Variants in SOX5 observed in about 807,000 individuals in gnomAD.
SOX5 encodes SRY-box transcription factor 5, also known as transcription factor SOX-5.
In SOX5, 9 loss-of-function variants were observed where a neutral mutation model predicts 92.0. The observed-to-expected ratio is 0.10, with a 90% CI of 0.06 to 0.17. The LOEUF (loss-of-function observed/expected upper bound fraction) is 0.17, where lower values mean the gene tolerates loss of function less well. Ranked by LOEUF, SOX5 falls within the 10% of genes least tolerant of loss-of-function variation. The pLI, the probability that SOX5 is intolerant of heterozygous loss-of-function variation, is 1.00. For missense variants in SOX5, 642 were observed against 944.5 expected, an observed-to-expected ratio of 0.68 and a Z score of 4.20; for synonymous variants, 344 against 336.3, an observed-to-expected ratio of 1.02 and a Z score of -0.25.
chr12:24,380,452 T>C (rs1957711762), intron 1 of SOX5, among the ~76,000 whole-genome samples: 1 of 152,252 alleles, frequency 6.6e-6, no homozygotes, highest in South Asian at 2.1e-4. Context: ...TTGCGCAACA[T>C]ATAATTTCAT....
chr12:24,015,602 C>T (rs984432386), intron 4 of SOX5, among the ~76,000 whole-genome samples: 3 of 152,152 alleles, frequency 2.0e-5, no homozygotes, highest in Non-Finnish European at 2.9e-5. Flanking sequence ...TGCGCTAATA[C>T]ACTGTATATA....
At chr12:23,577,275 A>C (rs1949319072) in intron 9 of SOX5, among the ~76,000 whole-genome samples, 1 of 138,890 alleles carries the variant, frequency 7.2e-6, no homozygotes, top group South Asian at 2.3e-4. Flanking sequence ...GCTCATCGTG[A>C]TCTCCGCCTG....
At chr12:24,027,924 C>G (rs1034353244) in intron 4 of SOX5, among the ~76,000 whole-genome samples, 1 of 151,974 alleles carries the variant, frequency 6.6e-6, no homozygotes, top group African/African-American at 2.4e-5. Context: ...ACATCTTTAA[C>G]AAGTTAGCAG....
intron 3 of SOX5, among the ~76,000 whole-genome samples, chr12:23,843,281 A>G (rs2096538762): frequency 6.6e-6 from 1 of 152,130 alleles, no homozygotes; most frequent in South Asian, 2.1e-4. Flanking sequence ...CAGAAAAAGC[A>G]CACTTGGTGA....
At chr12:24,208,978 T>C (rs1309527342) in intron 4 of SOX5, among the ~76,000 whole-genome samples, 1 of 151,928 alleles carries the variant, frequency 6.6e-6, no homozygotes, top group African/African-American at 2.4e-5. Context: ...GTGTAGAGGA[T>C]TGAGGAGGAG....
chr12:24,512,840 T>C lies in SOX5; in HGVS notation c.-251+49489A>G, dbSNP rs1458137133. Among the ~76,000 whole-genome samples the C allele has an allele frequency of 4.6e-5, 7 of 152,350 alleles. No homozygotes were observed. The South Asian group carries it at 1.2e-3, about 27-fold the overall frequency. ...CCTGTCAACCAGGGACTATAATCCA[T>C]CCAGTCTTTTGTGTTAACTTGATAG... is the stretch of plus-strand genomic sequence containing the variant. On this transcript the variant is annotated intron_variant, in intron 1 of 4. Transcript: ENST00000446891.
At chr12:23,951,273 TA>T (rs144627221), upstream of SOX5, among the ~76,000 whole-genome samples, 7 of 149,240 alleles carry the variant, frequency 4.7e-5, no homozygotes, top group Admixed American at 6.7e-5. Context: ...TGAACTCACT[TA>T]AAAAAAAAAT....
intron 1 of SOX5, among the ~76,000 whole-genome samples, chr12:23,914,583 T>TAAC (rs958223853): frequency 3.3e-5 from 5 of 152,074 alleles, no homozygotes; most frequent in Non-Finnish European, 5.9e-5. Flanking sequence ...ATACCAATAA[T>TAAC]AACAACAAAA....
intron 4 of SOX5, among the ~76,000 whole-genome samples, chr12:24,075,093 C>A (rs1358635169): frequency 6.6e-6 from 1 of 150,812 alleles, no homozygotes; most frequent in Non-Finnish European, 1.5e-5. Flanking sequence ...GAGACCCCAT[C>A]TCTACAAAAA....
chr12:23,692,193 G>A (rs1191200460), intron 6 of SOX5, among the ~76,000 whole-genome samples: 2 of 151,986 alleles, frequency 1.3e-5, no homozygotes, highest in African/African-American at 2.4e-5. Context: ...AGCACCTTGG[G>A]AGGCCGAGAC....
At chr12:24,272,604 C>T (rs1288110155) in intron 3 of SOX5, among the ~76,000 whole-genome samples, 1 of 151,972 alleles carries the variant, frequency 6.6e-6, no homozygotes, top group African/African-American at 2.4e-5. Flanking sequence ...AAATGCCTTC[C>T]CTGCATTTAT....
At chr12:23,954,842 A>T (rs1946090856), upstream of SOX5, among the ~76,000 whole-genome samples, 1 of 152,110 alleles carries the variant, frequency 6.6e-6, no homozygotes, top group African/African-American at 2.4e-5. Flanking sequence ...CTCTAGTTTC[A>T]TACTTCTCTC....
chr12:24,449,217 C>T (rs1323630455), intron 1 of SOX5, among the ~76,000 whole-genome samples: 1 of 152,158 alleles, frequency 6.6e-6, no homozygotes, highest in African/African-American at 2.4e-5. Flanking sequence ...CAACAGCTCA[C>T]CAGCACACTT....
intron 4 of SOX5, among the ~76,000 whole-genome samples, chr12:24,136,635 G>A (rs1243264959): frequency 6.6e-6 from 1 of 152,166 alleles, no homozygotes; most frequent in African/African-American, 2.4e-5. Flanking sequence ...GAGGGGGAAG[G>A]TGGGGAGGGC....
rs561683417 is a variant in SOX5 at position 23,566,933 on chromosome 12, A to G, written c.1343-3530T>C. On this transcript the variant is annotated intron_variant, in intron 10 of 14. Transcript: ENST00000451604. ...CTAAGTTTTCACTTCCCTTAACTAC[A>G]AAATGAAGGTAAAGCTGATGGAAGA... Among the ~76,000 whole-genome samples the G allele has an allele frequency of 4.6e-5, 7 of 152,362 alleles. No homozygotes were observed. The East Asian group carries it at 1.3e-3, about 29-fold the overall frequency.
chr12:24,425,165 G>A (rs1966571892), intron 1 of SOX5, among the ~76,000 whole-genome samples: 1 of 152,160 alleles, frequency 6.6e-6, no homozygotes, highest in Admixed American at 6.5e-5. Context: ...GCTGTGGTTT[G>A]GAATCTGGGG....
chr12:23,860,952 T>TAAAAAAAAAAAAAAAAAAAA (rs71059935), intron 2 of SOX5, among the ~76,000 whole-genome samples: 6 of 45,922 alleles, frequency 1.3e-4, no homozygotes, highest in East Asian at 7.1e-4. Context: ...GTATATTTTG[T>TAAAAAAAAAAAAAAAAAAAA]AAAAAAAAAA....
At chr12:24,008,569 C>A (rs1314390936) in intron 4 of SOX5, among the ~76,000 whole-genome samples, 1 of 152,066 alleles carries the variant, frequency 6.6e-6, no homozygotes, top group Non-Finnish European at 1.5e-5. Flanking sequence ...TCTTAATTCC[C>A]TGAGCTTATT....
At chr12:23,940,651 A>G (rs1442932034) in intron 1 of SOX5, among the ~76,000 whole-genome samples, 3 of 151,168 alleles carry the variant, frequency 2.0e-5, no homozygotes, top group African/African-American at 7.3e-5. Context: ...GCTTTGTACT[A>G]TGTTACATTT....
Sources: allele counts gnomAD v4.1 joint callset (sites outside exome capture counted in the v4.1 genomes callset), GRCh38; gene constraint gnomAD v4.1.1; transcripts MANE v1.5; gene names NCBI Gene and HGNC (gene_info 2026-07-23, HGNC 2026-07-21).